Variants in KAT6A observed in about 807,000 individuals in gnomAD.
The protein encoded by KAT6A is histone acetyltransferase KAT6A.
In KAT6A, 9 loss-of-function variants were observed where a neutral mutation model predicts 198.4. The ratio of observed to expected loss-of-function variants is 0.05; its 90% confidence interval spans 0.03 to 0.08. The LOEUF (loss-of-function observed/expected upper bound fraction) is 0.08. Ranked by LOEUF, KAT6A falls within the 10% of genes least tolerant of loss-of-function variation. The pLI is 1.00. For synonymous variants in KAT6A, 890 were observed against 883.0 expected (o/e 1.01, Z -0.14); for missense variants, 2,077 against 2,509.9 (o/e 0.83, Z 3.69).
chr8:41,979,149 T>C (rs976875392), intron 5 of KAT6A, among the ~76,000 whole-genome samples: 1 of 151,704 alleles, frequency 6.6e-6, no homozygotes, highest in African/African-American at 2.4e-5. Context: ...GTGCCTGTAG[T>C]CCCAGCTACT....
rs1322736860 is a variant in KAT6A, at chr8:42,029,133, G to A, written c.600+19245C>T. On this transcript the variant is annotated intron_variant, in intron 2 of 16. Transcript: ENST00000265713. The stretch of plus-strand genomic sequence containing the variant: ...TGAATATATCATCCCATTCTCTCCT[G>A]GCCTATAAGATTTCTGCTGTTAGTC... Among the ~76,000 whole-genome samples the A allele has an allele frequency of 2.0e-5, 3 of 151,938 alleles. No homozygotes were observed. The East Asian group carries it at 5.8e-4, about 29-fold the overall frequency.
At position 41,932,419 on chromosome 8, in the gene KAT6A, C is replaced by T. The variant is rs999053665; in HGVS notation, c.5801G>A (p.Ser1934Asn). Residue 1934 changes from serine to asparagine, a missense_variant, in exon 17 of 17, where the codon AGC (serine) becomes AAC (asparagine). Coordinates refer to ENST00000265713, the MANE Select transcript of KAT6A (RefSeq NM_006766.5). ...GTAGGCAGGGTTACTATGGTAACTG[C>T]TGTTCATCATGGGCTGTGTCATTCG... is the stretch of plus-strand genomic sequence containing the variant. ...SYRMTQPMMNSSYHSNPAYMN... is the reference protein window; with the variant it reads ...SYRMTQPMMNNSYHSNPAYMN... 3.1e-6 allele frequency: 5 copies of T among 1,614,214 alleles called. No individual in the cohort carries two copies. Among genetic ancestry groups the T allele is most frequent in the Non-Finnish European group, 4.2e-6 (5 of 1,180,034 alleles).
intron 13 of KAT6A, among the ~76,000 whole-genome samples, chr8:41,943,244 G>A (rs774038747): frequency 4.6e-5 from 7 of 152,118 alleles, no homozygotes; most frequent in Non-Finnish European, 8.8e-5. Flanking sequence ...CACACGTCCC[G>A]CTCCAGAAGT....
chr8:42,037,825 C>G (rs1827453838), intron 2 of KAT6A, among the ~76,000 whole-genome samples: 1 of 151,904 alleles, frequency 6.6e-6, no homozygotes, highest in Non-Finnish European at 1.5e-5. Context: ...TTATTTGCCA[C>G]TATCCTAATG....
In KAT6A at chr8:41,930,263, C is replaced by CA. The variant is rs1162615719; in HGVS notation, c.*1941dup. On this transcript the variant is annotated 3_prime_UTR_variant, in exon 17 of 17. Coordinates refer to ENST00000265713, the MANE Select transcript of KAT6A (RefSeq NM_006766.5). ...CCTCCCTCCCGACCCACCCCGTCCC[C>CA]ACCCCAACCAGGAAGCAATGACACA... The CA allele has an allele frequency of 4.4e-6, 1 of 227,076 alleles. No homozygotes were observed. Among genetic ancestry groups the CA allele is most frequent in the African/African-American group, 2.2e-5 (1 of 44,466 alleles). 14.1% of individuals were successfully genotyped at this position (227,076 alleles called of 1,614,324 possible). A position where few individuals can be genotyped will look rare whatever the true frequency, so the allele number is the denominator to read the frequency against.
intron 2 of KAT6A, among the ~76,000 whole-genome samples, chr8:41,989,480 G>A (rs1204756510): frequency 6.6e-6 from 1 of 152,116 alleles, no homozygotes; most frequent in Non-Finnish European, 1.5e-5. Flanking sequence ...TTGCACTCCA[G>A]CCTGGGTGAC....
At chr8:41,935,798 A>C (rs1462021876) in intron 16 of KAT6A, among the ~76,000 whole-genome samples, 1 of 152,234 alleles carries the variant, frequency 6.6e-6, no homozygotes, top group African/African-American at 2.4e-5. Flanking sequence ...ATGGGAACTT[A>C]ATCAGGGGTA....
At chr8:41,946,220 G>A (rs1822377293) in intron 12 of KAT6A, among the ~76,000 whole-genome samples, 1 of 152,024 alleles carries the variant, frequency 6.6e-6, no homozygotes, top group Admixed American at 6.6e-5. Flanking sequence ...TCTCACCTCT[G>A]CTTCCTGAGT....
At chr8:41,938,348 ATGATT>A (rs1303045728) in intron 15 of KAT6A, among the ~76,000 whole-genome samples, 1 of 152,174 alleles carries the variant, frequency 6.6e-6, no homozygotes, top group Non-Finnish European at 1.5e-5. Flanking sequence ...TTTTTTTAAC[ATGATT>A]TGTTTTACTT....
intron 8 of KAT6A, among the ~76,000 whole-genome samples, chr8:41,958,613 G>A (rs1823042670): frequency 6.6e-6 from 1 of 152,132 alleles, no homozygotes; most frequent in Non-Finnish European, 1.5e-5. Flanking sequence ...GGAGTAGAAT[G>A]TGTTTTGGAA....
chr8:42,012,715 C>T (rs1826080694), intron 2 of KAT6A, among the ~76,000 whole-genome samples: 1 of 152,190 alleles, frequency 6.6e-6, no homozygotes, highest in Non-Finnish European at 1.5e-5. Flanking sequence ...TTTTTTACAG[C>T]AGCCACAGGA....
At chr8:41,964,137 G>A (rs905361257) in intron 8 of KAT6A, among the ~76,000 whole-genome samples, 1 of 152,006 alleles carries the variant, frequency 6.6e-6, no homozygotes, top group Admixed American at 6.6e-5. Context: ...AGCAGTTAAG[G>A]CCATGGAGTC....
intron 8 of KAT6A, among the ~76,000 whole-genome samples, chr8:41,962,466 T>C (rs1823250435): frequency 1.3e-5 from 2 of 152,090 alleles, no homozygotes; most frequent in Admixed American, 6.5e-5. Context: ...TCACAATGCA[T>C]CAACATATCC....
chr8:42,048,297 G>T, intron 2 of KAT6A, 81 bp downstream of exon 2: 1 of 1,503,120 alleles, frequency 6.7e-7, no homozygotes, highest in South Asian at 1.3e-5. Flanking sequence ...CAAAAAACTT[G>T]AATATAACTT....
At chr8:42,001,131 A>G (rs1473625853) in intron 2 of KAT6A, among the ~76,000 whole-genome samples, 2 of 152,192 alleles carry the variant, frequency 1.3e-5, no homozygotes, top group Non-Finnish European at 2.9e-5. Flanking sequence ...TGGATATTTA[A>G]AACAAATACT....
chr8:41,952,640 A>G (rs1822721415), intron 9 of KAT6A, among the ~76,000 whole-genome samples: 1 of 152,186 alleles, frequency 6.6e-6, no homozygotes, highest in Admixed American at 6.5e-5. Context: ...GTTTGCTCCT[A>G]TTGCCCTGTT....
intron 2 of KAT6A, among the ~76,000 whole-genome samples, chr8:42,018,481 C>T (rs1031355465): frequency 6.6e-6 from 1 of 152,208 alleles, no homozygotes; most frequent in Admixed American, 6.5e-5. Flanking sequence ...CACTGCACTC[C>T]AGCCTGGGCA....
chr8:42,048,834 T>C lies in KAT6A; in HGVS notation c.144A>G (p.Leu48=). 7.4e-6 allele frequency: 12 copies of C among 1,614,226 alleles called. No individual in the cohort carries two copies. The highest frequency in any genetic ancestry group is 1.0e-5 in the Non-Finnish European group (12 of 1,180,030). ...SSHGLDRKTV[L]EQLELSVKDG... is the part of the protein sequence containing the mutation. ...CTTTAACACTCAACTCCAATTGTTC[T>C]AAAACAGTTTTACGATCCAAGCCAT... The change falls in exon 2 of 17, where the codon TTA becomes TTG. Residue 48 remains leucine, a synonymous_variant. Transcript: ENST00000265713.
At chr8:42,002,039 C>T (rs190612586) in intron 2 of KAT6A, among the ~76,000 whole-genome samples, 24 of 152,278 alleles carry the variant, frequency 1.6e-4, no homozygotes, top group Admixed American at 1.6e-3. Context: ...TAATCTTTTG[C>T]TTCCTCCTCT....
Sources: allele counts gnomAD v4.1 joint callset (sites outside exome capture counted in the v4.1 genomes callset), GRCh38; gene constraint gnomAD v4.1.1; transcripts MANE v1.5; gene names NCBI Gene and HGNC (gene_info 2026-07-23, HGNC 2026-07-21).